The following SPINK4 variants were observed in gnomAD, a reference collection of about 807,000 sequenced individuals.
SPINK4 encodes serine peptidase inhibitor Kazal type 4, also known as serine protease inhibitor Kazal-type 4.
SPINK4 carries 10 observed loss-of-function variants against 12.3 expected under a neutral mutation model. That is an observed-to-expected ratio of 0.81 (90% CI 0.50 to 1.37). SPINK4 has a LOEUF of 1.37. SPINK4 is among the 40% of genes most tolerant of loss of function. The pLI is 0.00. For synonymous variants in SPINK4, 37 were observed against 40.2 expected (o/e 0.92, Z 0.30); for missense variants, 91 against 109.0 (o/e 0.84, Z 0.73).
At chr9:33,245,030 C>G in intron 1 of SPINK4, 82 bp from the exon 2 acceptor site, 2 of 1,431,544 alleles carry the variant, frequency 1.4e-6, no homozygotes, top group Non-Finnish European at 1.9e-6. Context: ...GACCAAGCTC[C>G]CTGAAGCAGA....
At chr9:33,245,689 C>T (rs1820278255) in intron 2 of SPINK4, among the ~76,000 whole-genome samples, 1 of 152,238 alleles carries the variant, frequency 6.6e-6, no homozygotes, top group South Asian at 2.1e-4. Context: ...ATTGCCCCTT[C>T]ATGTAGTGGA....
rs759431359 is a variant in SPINK4, at chr9:33,240,238, G to A, written c.30G>A (p.Leu10=). 6.2e-7 allele frequency: 1 copy of A among 1,605,920 alleles called. No individual in the cohort carries two copies. The highest frequency in any genetic ancestry group is 2.3e-5 in the East Asian group (1 of 44,036). ...CCGTCCGCCAGTGGGTAATCGCCCT[G>A]GCCTTGGCTGCCCTCCTTGTTGTGG... MAVRQWVIA[L]ALAALLVVDR... Residue 10 remains leucine, a synonymous_variant, in exon 1 of 4, where the codon CTG becomes CTA. Transcript: ENST00000379721.
intron 1 of SPINK4, among the ~76,000 whole-genome samples, chr9:33,242,970 G>A (rs939014619): frequency 3.3e-5 from 5 of 151,584 alleles, no homozygotes; most frequent in Non-Finnish European, 7.4e-5. Context: ...CAACCTCCTG[G>A]ATTCAAACGA....
intron 3 of SPINK4, chr9:33,248,056 G>C (rs1820303361): frequency 4.8e-6 from 1 of 207,926 alleles, no homozygotes; most frequent in South Asian, 1.1e-4. Flanking sequence ...TGGGTGGTTT[G>C]GGGGTCTGTA....
chr9:33,243,918 G>A (rs1307366346), intron 1 of SPINK4, among the ~76,000 whole-genome samples: 1 of 152,098 alleles, frequency 6.6e-6, no homozygotes, highest in Non-Finnish European at 1.5e-5. Context: ...TACTTCTGGA[G>A]AAAGCCTCTT....
chr9:33,245,166 GTGT>G lies in SPINK4; in HGVS notation c.102+19_102+21del, dbSNP rs943029507. 3.1e-6 allele frequency: 5 copies of G among 1,612,698 alleles called. No individual in the cohort carries two copies. In the African/African-American group the frequency reaches 5.3e-5, roughly 17 times the overall value. On this transcript the variant is annotated intron_variant, in intron 2 of 3. Transcript: ENST00000379721. ...TTCTCAAGAATGGTAAGGCAGCTGC[GTGT>G]TGTTCTCACCTTCTCTCTGCTGAGA...
At chr9:33,244,888 G>A (rs1257378350) in intron 1 of SPINK4, among the ~76,000 whole-genome samples, 1 of 152,158 alleles carries the variant, frequency 6.6e-6, no homozygotes, top group Non-Finnish European at 1.5e-5. Context: ...GAATAGGCTG[G>A]ACTGTCACCT....
chr9:33,248,427 A>C lies in SPINK4; in HGVS notation c.217A>C (p.Lys73Gln). The C allele has an allele frequency of 6.2e-7, 1 of 1,614,086 alleles. No individual in the cohort carries two copies. The highest frequency in any genetic ancestry group is 1.1e-5 in the South Asian group (1 of 91,052). Residue 73 changes from lysine to glutamine, a missense_variant and splice_region_variant, in exon 4 of 4, where the codon AAA becomes CAA. Transcript: ENST00000379721. ...NECQLCLARIKTKQDIQIMKD... is the reference protein window; with the variant it reads ...NECQLCLARIQTKQDIQIMKD... ...CATGCCTGTCTTCTTTGATCCTAGA[A>C]AAACCAAACAGGACATCCAGATCAT...
At chr9:33,243,094 G>C (rs830569) in intron 1 of SPINK4, among the ~76,000 whole-genome samples, 53,550 of 151,544 alleles carry the variant, frequency 0.35, 12,041 homozygotes, top group African/African-American at 0.65. Context: ...TTATTTTTGA[G>C]ACGGAGTTTT....
At chr9:33,246,579 G>T in intron 2 of SPINK4, 37 bp from the exon 3 acceptor site, 2 of 1,583,102 alleles carry the variant, frequency 1.3e-6, no homozygotes, top group Non-Finnish European at 1.7e-6. Context: ...CACTGCCTCT[G>T]AATCCCTGAG....
chr9:33,241,534 C>T (rs1267717362), intron 1 of SPINK4, among the ~76,000 whole-genome samples: 1 of 152,192 alleles, frequency 6.6e-6, no homozygotes, highest in Non-Finnish European at 1.5e-5. Flanking sequence ...CAGCTGGAAA[C>T]AGACCTGGGC....
rs764518943 is a variant in SPINK4 at position 33,240,208 on chromosome 9, CATGGCCGTCCGCCAGTGGGTA to C, written c.3_23del (p.MetAlaValArgGlnTrpVal1_?7). 1.9e-6 allele frequency: 3 copies of C among 1,604,624 alleles called. No individual in the cohort carries two copies. The highest frequency in any genetic ancestry group is 2.6e-6 in the Non-Finnish European group (3 of 1,175,804). On this transcript the variant is annotated start_lost and inframe_deletion, in exon 1 of 4. Coordinates refer to ENST00000379721, the MANE Select transcript of SPINK4 (RefSeq NM_014471.3). Reference sequence around the variant, plus strand: ...TCAGGCTACACTATCCCAGGATCAGCATGGCCGTCCGCCAGTGGGTAATCGCCCTGGCCTTGGCTGCCCTCC... The same window carrying C: ...TCAGGCTACACTATCCCAGGATCAGCATCGCCCTGGCCTTGGCTGCCCTCC...
chr9:33,246,501 G>A, intron 2 of SPINK4, 115 bp from the exon 3 acceptor site: 4 of 771,772 alleles, frequency 5.2e-6, no homozygotes, highest in South Asian at 4.5e-5. Flanking sequence ...CCCACACTGG[G>A]GGCCTTCTTG....
At chr9:33,246,582 T>A in intron 2 of SPINK4, 34 bp from the exon 3 acceptor site, 1 of 1,586,580 alleles carries the variant, frequency 6.3e-7, no homozygotes, top group Non-Finnish European at 8.7e-7. Context: ...TGCCTCTGAA[T>A]CCCTGAGTCC....
At chr9:33,246,518 A>T in intron 2 of SPINK4, 98 bp from the exon 3 acceptor site, 1 of 923,906 alleles carries the variant, frequency 1.1e-6, no homozygotes, top group East Asian at 2.4e-5. Context: ...CTTGACTCTG[A>T]TACCTCACTG....
intron 3 of SPINK4, among the ~76,000 whole-genome samples, chr9:33,247,582 G>A (rs928768177): frequency 6.6e-6 from 1 of 152,148 alleles, no homozygotes; most frequent in Non-Finnish European, 1.5e-5. Flanking sequence ...AGGTCTACAA[G>A]GAAAAGTTTA....
chr9:33,244,041 T>A (rs962971391), intron 1 of SPINK4, among the ~76,000 whole-genome samples: 3 of 151,738 alleles, frequency 2.0e-5, no homozygotes, highest in African/African-American at 7.3e-5. Context: ...TTGAAAAGAG[T>A]CCATCTCTCC....
At chr9:33,241,226 A>G (rs530396507) in intron 1 of SPINK4, among the ~76,000 whole-genome samples, 174 of 152,260 alleles carry the variant, frequency 1.1e-3, no homozygotes, top group African/African-American at 4.0e-3. Flanking sequence ...AGGAGGGGAC[A>G]TTGTACGGAG....
At chr9:33,247,889 A>G (rs1820302053) in intron 3 of SPINK4, 1 of 154,772 alleles carries the variant, frequency 6.5e-6, no homozygotes, top group Admixed American at 6.3e-5. Context: ...TAGCTTAGAG[A>G]AAGATCATGC....
Sources: allele counts gnomAD v4.1 joint callset (sites outside exome capture counted in the v4.1 genomes callset), GRCh38; gene constraint gnomAD v4.1.1; transcripts MANE v1.5; gene names NCBI Gene and HGNC (gene_info 2026-07-23, HGNC 2026-07-21).